Variants in CFTR observed in about 807,000 individuals in gnomAD.
CFTR encodes CF transmembrane conductance regulator.
In CFTR, 181 loss-of-function variants were observed where a neutral mutation model predicts 171.6. The ratio of observed to expected loss-of-function variants is 1.05; its 90% CI spans 0.93 to 1.19. The LOEUF (loss-of-function observed/expected upper bound fraction) is 1.19. Ranked by LOEUF, CFTR falls within the 50% of genes most tolerant of loss-of-function variation. The pLI, the probability that CFTR is intolerant of heterozygous loss-of-function variation, is 0.00. For missense variants in CFTR, 1,968 were observed against 1,734.7 expected (o/e 1.13, Z -2.39); for synonymous variants, 583 against 608.0 (o/e 0.96, Z 0.60).
chr7:117,612,043 A>ATATATATATG (rs1562915153), intron 20 of CFTR, among the ~76,000 whole-genome samples: 46 of 72,150 alleles, frequency 6.4e-4, no homozygotes, highest in Non-Finnish European at 1.2e-3. Flanking sequence ...ATATATATAT[A>ATATATATATG]TATATATATA....
chr7:117,553,941 G>C (rs1331857872), intron 10 of CFTR, among the ~76,000 whole-genome samples: 7 of 152,152 alleles, frequency 4.6e-5, no homozygotes, highest in African/African-American at 1.7e-4. Context: ...GACTATACCT[G>C]TCTGGTTTGA....
chr7:117,608,563 T>C (rs1262948632), intron 18 of CFTR, among the ~76,000 whole-genome samples: 3 of 152,184 alleles, frequency 2.0e-5, no homozygotes, highest in African/African-American at 7.2e-5. Context: ...CACAAGTGAT[T>C]AGGCAGAGGT....
intron 6 of CFTR, among the ~76,000 whole-genome samples, chr7:117,536,340 A>T (rs1228451112): frequency 6.6e-6 from 1 of 152,212 alleles, no homozygotes; most frequent in African/African-American, 2.4e-5. Flanking sequence ...TAGAGATAGC[A>T]TATGGAATGA....
At chr7:117,495,917 C>T (rs767991711) in intron 1 of CFTR, among the ~76,000 whole-genome samples, 10 of 152,166 alleles carry the variant, frequency 6.6e-5, no homozygotes, top group Non-Finnish European at 1.3e-4. Flanking sequence ...TTAAAGCATA[C>T]AATCCAATGA....
chr7:117,595,055 A>G lies in CFTR; in HGVS notation c.2616A>G (p.Ala872=). ...TTTGGTGCTTAGTAATTTTTCTGGC[A>G]GAGGTAAGAATGTTCTATTGTAAAG... ...VLIWCLVIFL[A]EVAASLVVLW... Residue 872 remains alanine (A), a synonymous_variant, in exon 15 of 27, where the codon GCA becomes GCG. Transcript: ENST00000003084. 6.2e-7 allele frequency: 1 copy of G among 1,611,856 alleles called. No individual in the cohort carries two copies. The highest frequency in any genetic ancestry group is 8.5e-7 in the Non-Finnish European group (1 of 1,178,718).
At chr7:117,609,078 T>C (rs1229951327) in intron 18 of CFTR, among the ~76,000 whole-genome samples, 1 of 152,164 alleles carries the variant, frequency 6.6e-6, no homozygotes, top group Non-Finnish European at 1.5e-5. Flanking sequence ...CATTTCCCTC[T>C]CTCCCCTGTC....
At chr7:117,559,768 C>G in intron 11 of CFTR, 113 bp downstream of exon 11, 1 of 738,012 alleles carries the variant, frequency 1.4e-6, no homozygotes, top group Non-Finnish European at 2.3e-6. Flanking sequence ...TATGTTTCCT[C>G]TATGGGTAAG....
At position 117,559,563 on chromosome 7, in the gene CFTR, A is replaced by G. The variant is rs1562898400; in HGVS notation, c.1492A>G (p.Met498Val). 4 of 1,612,536 alleles carry G rather than the reference A, an allele frequency of 2.5e-6. No homozygotes were observed. Among genetic ancestry groups the G allele is most frequent in the Non-Finnish European group, 2.5e-6 (3 of 1,178,700 alleles). ...ISFCSQFSWI[M>V]PGTIKENIIF... is the part of the protein sequence containing the mutation. ...ATTCTGTTCTCAGTTTTCCTGGATT[A>G]TGCCTGGCACCATTAAAGAAAATAT... Residue 498 changes from methionine (M) to valine (V), a missense_variant, in exon 11 of 27, where the codon ATG (methionine) becomes GTG (valine). Transcript: ENST00000003084.
rs757959325 is a variant in CFTR, at chr7:117,509,095, T to C, written c.226T>C (p.Cys76Arg). 1.2e-6 allele frequency: 2 copies of C among 1,612,426 alleles called. No individual in the cohort carries two copies. The highest frequency in any genetic ancestry group is 3.3e-5 in the Admixed American group (2 of 60,014). ...NPKLINALRR[C>R]FFWRFMFYGI... Reference sequence around the variant, plus strand: ...TAAACTCATTAATGCCCTTCGGCGATGTTTTTTCTGGAGATTTATGTTCTA... The same window carrying C: ...TAAACTCATTAATGCCCTTCGGCGACGTTTTTTCTGGAGATTTATGTTCTA... Residue 76 changes from cysteine (C) to arginine (R), a missense_variant, in exon 3 of 27, where the codon TGT becomes CGT. Transcript: ENST00000003084.
rs1284763505 is a variant in CFTR, at chr7:117,592,037, AGCTATTTT to A, written c.1871_1878del (p.Ser624IlefsTer15). The stretch of plus-strand genomic sequence containing the variant: ...AATATTAATTTTGCATGAAGGTAGC[AGCTATTTT>A]TATGGGACATTTTCAGAACTCCAAA... On this transcript the variant is annotated frameshift_variant, in exon 14 of 27. Transcript: ENST00000003084. LOFTEE classifies it high-confidence loss of function. 2 of 1,604,778 alleles carry A rather than the reference AGCTATTTT, an allele frequency of 1.2e-6. No homozygotes were observed. The highest frequency in any genetic ancestry group is 2.3e-5 in the South Asian group (2 of 88,692).
intron 1 of CFTR, among the ~76,000 whole-genome samples, chr7:117,481,437 G>A (rs1797998771): frequency 2.0e-5 from 3 of 152,142 alleles, no homozygotes; most frequent in African/African-American, 7.2e-5. Flanking sequence ...GTTTTCAGAA[G>A]AATGAATATT....
intron 24 of CFTR, among the ~76,000 whole-genome samples, chr7:117,660,214 G>A (rs1052357820): frequency 2.0e-5 from 3 of 152,086 alleles, no homozygotes; most frequent in African/African-American, 7.2e-5. Context: ...ACGTTGTAAT[G>A]AAAATCATTG....
chr7:117,627,878 G>C (rs574020897), intron 22 of CFTR, 108 bp downstream of exon 22: 21 of 1,156,838 alleles, frequency 1.8e-5, no homozygotes, highest in Non-Finnish European at 2.6e-5. Flanking sequence ...TTATTGTACA[G>C]TAGAATCAAT....
intron 11 of CFTR, among the ~76,000 whole-genome samples, chr7:117,575,189 C>T (rs1303326664): frequency 6.6e-6 from 1 of 151,988 alleles, no homozygotes; most frequent in African/African-American, 2.4e-5. Flanking sequence ...TTGAAATAGC[C>T]ATACAATTTA....
intron 20 of CFTR, among the ~76,000 whole-genome samples, chr7:117,613,677 A>C (rs191252847): frequency 8.3e-4 from 126 of 152,258 alleles, no homozygotes; most frequent in Non-Finnish European, 1.2e-3. Context: ...AAAATAATTT[A>C]ATACTACATG....
At chr7:117,536,756 C>A (rs1481451826) in intron 7 of CFTR, 83 bp downstream of exon 7, 2 of 1,143,024 alleles carry the variant, frequency 1.7e-6, no homozygotes, top group Non-Finnish European at 2.6e-6. Context: ...TAGACTTCCA[C>A]CTCATATTTG....
intron 10 of CFTR, among the ~76,000 whole-genome samples, chr7:117,552,554 A>G (rs213947): frequency 0.18 from 27,797 of 151,992 alleles, 2,782 homozygotes; most frequent in Non-Finnish European, 0.21. Context: ...AAAATTTAAA[A>G]ATGAAAATTA....
intron 9 of CFTR, among the ~76,000 whole-genome samples, chr7:117,548,197 A>T (rs1437403540): frequency 6.6e-6 from 1 of 152,182 alleles, no homozygotes; most frequent in Non-Finnish European, 1.5e-5. Flanking sequence ...TAGTGACTTT[A>T]AAGCTGTGTG....
At chr7:117,654,785 TG>T (rs1475556032) in intron 24 of CFTR, among the ~76,000 whole-genome samples, 1 of 152,172 alleles carries the variant, frequency 6.6e-6, no homozygotes, top group Non-Finnish European at 1.5e-5. Context: ...TGTGAAAATG[TG>T]CTAATACAGG....
Sources: allele counts gnomAD v4.1 joint callset (sites outside exome capture counted in the v4.1 genomes callset), GRCh38; gene constraint gnomAD v4.1.1; transcripts MANE v1.5; gene names NCBI Gene and HGNC (gene_info 2026-07-23, HGNC 2026-07-21).